RMC1: variants seen among roughly 807,000 people sequenced by gnomAD.
The protein encoded by RMC1 is regulator of MON1-CCZ1 complex.
In RMC1, 44 loss-of-function variants were observed where a neutral mutation model predicts 95.5. The observed-to-expected ratio is 0.46, with a 90% confidence interval of 0.36 to 0.59. The LOEUF is 0.59. Among genes scored for constraint, RMC1 ranks in the 20% least tolerant of loss-of-function variants. RMC1 has a pLI of 0.00. For missense variants in RMC1, 705 were observed against 819.6 expected, an observed-to-expected ratio of 0.86 and a Z score of 1.71; for synonymous variants, 320 against 303.6, an observed-to-expected ratio of 1.05 and a Z score of -0.56.
chr18:23,530,766 G>A (rs192290636), intron 19 of RMC1, among the ~76,000 whole-genome samples, 154 bp downstream of exon 19: 123 of 152,246 alleles, frequency 8.1e-4, no homozygotes, highest in African/African-American at 2.9e-3. Flanking sequence ...ATTTGTAGTA[G>A]AGTGAATTCA....
chr18:23,519,269 G>T, intron 9 of RMC1, 95 bp downstream of exon 9: 1 of 1,134,122 alleles, frequency 8.8e-7, no homozygotes, highest in South Asian at 1.3e-5. Context: ...TGTAATCCCA[G>T]CACTTTGGGA....
intron 10 of RMC1, 36 bp from the exon 11 acceptor site, chr18:23,524,094 A>G (rs1240256187): frequency 6.2e-6 from 10 of 1,610,110 alleles, no homozygotes; most frequent in Non-Finnish European, 8.5e-6. Flanking sequence ...GCATTTTCTG[A>G]CTGCATCGTT....
At chr18:23,523,543 C>CAAAAAAAAA (rs374224848) in intron 10 of RMC1, among the ~76,000 whole-genome samples, 13 of 76,368 alleles carry the variant, frequency 1.7e-4, no homozygotes, top group African/African-American at 2.3e-4. Flanking sequence ...CTTGTCTTCA[C>CAAAAAAAAA]AAAAAAAAAA....
chr18:23,519,756 C>G (rs1395810914), intron 9 of RMC1, among the ~76,000 whole-genome samples: 1 of 152,116 alleles, frequency 6.6e-6, no homozygotes, highest in Non-Finnish European at 1.5e-5. Context: ...CTCTCTGTTG[C>G]AATTGTGAGC....
At chr18:23,520,960 T>C (rs2058127489) in intron 10 of RMC1, among the ~76,000 whole-genome samples, 1 of 152,102 alleles carries the variant, frequency 6.6e-6, no homozygotes, top group Non-Finnish European at 1.5e-5. Context: ...TCAAGTGATC[T>C]GCCCACCTTG....
intron 5 of RMC1, among the ~76,000 whole-genome samples, chr18:23,514,657 T>C (rs2057952734): frequency 6.6e-6 from 1 of 152,154 alleles, no homozygotes; most frequent in South Asian, 2.1e-4. Context: ...TGTGATTGCA[T>C]GGGAAGGATG....
At chr18:23,505,269 C>T (rs370076609) in intron 2 of RMC1, among the ~76,000 whole-genome samples, 1 of 152,092 alleles carries the variant, frequency 6.6e-6, no homozygotes, top group East Asian at 1.9e-4. Context: ...CCGTGTTGGC[C>T]AGGCTGGTTT....
At chr18:23,517,567 C>T (rs562967473) in intron 7 of RMC1, among the ~76,000 whole-genome samples, 3 of 152,268 alleles carry the variant, frequency 2.0e-5, no homozygotes, top group East Asian at 1.9e-4. Flanking sequence ...GTATCTGATT[C>T]GACAATAGTC....
chr18:23,513,856 T>C (rs1223507536), intron 5 of RMC1, among the ~76,000 whole-genome samples: 2 of 152,248 alleles, frequency 1.3e-5, no homozygotes, highest in African/African-American at 4.8e-5. Context: ...CGGGTCATTG[T>C]GCCTATTTTT....
chr18:23,530,802 C>T (rs2058472886), intron 19 of RMC1, among the ~76,000 whole-genome samples, 190 bp downstream of exon 19: 1 of 152,280 alleles, frequency 6.6e-6, no homozygotes, highest in Admixed American at 6.5e-5. Flanking sequence ...CTGAATTATG[C>T]TCTGGAACTC....
At chr18:23,527,165 C>T (rs946635813) in intron 13 of RMC1, among the ~76,000 whole-genome samples, 1 of 146,494 alleles carries the variant, frequency 6.8e-6, no homozygotes, top group Non-Finnish European at 1.5e-5. Flanking sequence ...AGGAGGATTG[C>T]CTGAGCCTAG....
chr18:23,505,223 A>G (rs2057683302), intron 2 of RMC1, among the ~76,000 whole-genome samples: 1 of 151,972 alleles, frequency 6.6e-6, no homozygotes, highest in Non-Finnish European at 1.5e-5. Flanking sequence ...ACGCCCGGCT[A>G]ATTTTTTTTG....
chr18:23,516,564 G>A, intron 7 of RMC1, 141 bp downstream of exon 7: 1 of 783,238 alleles, frequency 1.3e-6, no homozygotes, highest in Non-Finnish European at 2.1e-6. Flanking sequence ...GGTATTCAGT[G>A]TATAGGTCCT....
intron 12 of RMC1, among the ~76,000 whole-genome samples, chr18:23,525,975 G>A (rs2058288136): frequency 6.6e-6 from 1 of 152,200 alleles, no homozygotes; most frequent in Admixed American, 6.5e-5. Context: ...CTGTATGTAT[G>A]TAATGAAGTC....
At position 23,503,511 on chromosome 18, in the gene RMC1, A is replaced by C; in HGVS notation, c.-108A>C. 2 of 667,288 alleles carry C rather than the reference A, an allele frequency of 3.0e-6. No individual in the cohort carries two copies. The highest frequency in any genetic ancestry group is 4.3e-6 in the Non-Finnish European group (2 of 466,630). 41.3% of individuals were successfully genotyped at this position (667,288 alleles called of 1,614,324 possible). On this transcript the variant is annotated 5_prime_UTR_variant, in exon 1 of 20. Coordinates refer to ENST00000269221, the MANE Select transcript of RMC1 (RefSeq NM_013326.5). ...AGGAAGCGGCGTCCGCGCCGGGCCCAGAGCCGCAGCCGCAGCCGCCGCTAC... is the reference window on the plus strand; with the variant it reads ...AGGAAGCGGCGTCCGCGCCGGGCCCCGAGCCGCAGCCGCAGCCGCCGCTAC...
At chr18:23,531,511 T>C (rs1462971974) in intron 19 of RMC1, 114 bp from the exon 20 acceptor site, 30 of 1,499,540 alleles carry the variant, frequency 2.0e-5, no homozygotes, top group Admixed American at 4.8e-5. Context: ...AGGAAAACAA[T>C]GTATTTTATT....
Position 23,515,870 on chromosome 18 carries a change from A to G in RMC1, c.423A>G (p.Lys141=). The part of the protein sequence containing the change: ...GIEFYQVLPE[K]RSLKLLKSHN... Reference sequence around the variant, plus strand: ...CTCTGCTTCAGGTATTACCAGAGAAACGGAGTCTGAAACTCTTGAAGAGCC... The same window carrying G: ...CTCTGCTTCAGGTATTACCAGAGAAGCGGAGTCTGAAACTCTTGAAGAGCC... Residue 141 remains lysine (K), a synonymous_variant, in exon 6 of 20, where the codon AAA becomes AAG. Transcript: ENST00000269221. 1 of 1,614,198 alleles carries G rather than the reference A, an allele frequency of 6.2e-7. No homozygotes were observed. Among genetic ancestry groups the G allele is most frequent in the Non-Finnish European group, 8.5e-7 (1 of 1,180,044 alleles).
intron 11 of RMC1, 124 bp from the exon 12 acceptor site, chr18:23,524,305 C>T: frequency 6.8e-7 from 1 of 1,481,310 alleles, no homozygotes; most frequent in Non-Finnish European, 9.4e-7. Context: ...GCTTCCCTGA[C>T]TGTCCAGGGG....
rs376978686 is a variant in RMC1, at chr18:23,520,176, C to T, written c.850-26C>T. On this transcript the variant is annotated intron_variant, in intron 9 of 19. Transcript: ENST00000269221. ...TGGGCAAACCATGATTGATTTTGGC[C>T]TCAGTCTTGTCTTTTTCCCCCCCAG... The T allele has an allele frequency of 2.8e-4, 439 of 1,576,776 alleles. 4 individuals are homozygous for T. The highest frequency in any genetic ancestry group is 5.3e-5 in the Non-Finnish European group (61 of 1,146,536).
Sources: allele counts gnomAD v4.1 joint callset (sites outside exome capture counted in the v4.1 genomes callset), GRCh38; gene constraint gnomAD v4.1.1; transcripts MANE v1.5; gene names NCBI Gene and HGNC (gene_info 2026-07-23, HGNC 2026-07-21).